The following MMP16 variants were observed in gnomAD, a reference collection of about 807,000 sequenced individuals.
The protein encoded by MMP16 is matrix metallopeptidase 16.
MMP16 carries 12 observed loss-of-function variants against 67.8 expected under a neutral mutation model. The observed-to-expected ratio is 0.18, with a 90% CI of 0.11 to 0.29. MMP16 has a LOEUF of 0.29. Ranked by LOEUF, MMP16 falls within the 10% of genes least tolerant of loss-of-function variation. The probability of loss-of-function intolerance (pLI) is 1.00; values close to 1 mark genes in which losing one functional copy is unlikely to be tolerated. For missense variants in MMP16, 475 were observed against 765.7 expected, an observed-to-expected ratio of 0.62 and a Z score of 4.48; for synonymous variants, 249 against 255.9, an observed-to-expected ratio of 0.97 and a Z score of 0.26.
intron 9 of MMP16, among the ~76,000 whole-genome samples, chr8:88,045,799 C>T (rs574101980): frequency 1.3e-5 from 2 of 151,966 alleles, no homozygotes; most frequent in Non-Finnish European, 2.9e-5. Flanking sequence ...CAAGAGATGC[C>T]TATTTTTGCT....
At chr8:88,214,663 G>C (rs533645414) in intron 1 of MMP16, among the ~76,000 whole-genome samples, 1 of 152,170 alleles carries the variant, frequency 6.6e-6, no homozygotes, top group East Asian at 1.9e-4. Context: ...TTTACTCTCT[G>C]AGCAATTTCC....
At chr8:88,136,443 G>A (rs918892072) in intron 4 of MMP16, among the ~76,000 whole-genome samples, 1 of 151,642 alleles carries the variant, frequency 6.6e-6, no homozygotes, top group Non-Finnish European at 1.5e-5. Context: ...CAGGTCAGTT[G>A]ATCATCATAA....
intron 1 of MMP16, among the ~76,000 whole-genome samples, chr8:88,307,964 A>G (rs1051967291): frequency 2.0e-5 from 3 of 152,128 alleles, no homozygotes; most frequent in Non-Finnish European, 2.9e-5. Flanking sequence ...CAATAACTCC[A>G]TATCTCAGAA....
chr8:88,103,235 A>G (rs1291473324), intron 6 of MMP16, among the ~76,000 whole-genome samples: 1 of 151,790 alleles, frequency 6.6e-6, no homozygotes, highest in Non-Finnish European at 1.5e-5. Flanking sequence ...TGGTCCTCCT[A>G]AGTGCTCCCA....
At chr8:88,212,644 CCTCT>C (rs569253741) in intron 1 of MMP16, among the ~76,000 whole-genome samples, 1 of 152,102 alleles carries the variant, frequency 6.6e-6, no homozygotes, top group Non-Finnish European at 1.5e-5. Context: ...ATCTCATGAG[CCTCT>C]CTGAGATTTC....
chr8:88,229,721 T>C (rs1563568461), intron 1 of MMP16, among the ~76,000 whole-genome samples: 1 of 152,042 alleles, frequency 6.6e-6, no homozygotes, highest in Non-Finnish European at 1.5e-5. Context: ...ACAAGAATGC[T>C]ATTGAGAACA....
intron 1 of MMP16, among the ~76,000 whole-genome samples, chr8:88,266,570 C>T (rs1396808595): frequency 6.6e-6 from 1 of 152,134 alleles, no homozygotes; most frequent in Non-Finnish European, 1.5e-5. Flanking sequence ...TACTTCCACC[C>T]ATTTGGCGTC....
At chr8:88,101,448 G>A (rs1249181692) in intron 6 of MMP16, among the ~76,000 whole-genome samples, 1 of 151,900 alleles carries the variant, frequency 6.6e-6, no homozygotes, top group East Asian at 2.0e-4. Flanking sequence ...CTATTCAAGA[G>A]ATTTCAGGAT....
At chr8:88,253,535 G>T (rs985156161) in intron 1 of MMP16, among the ~76,000 whole-genome samples, 2 of 152,110 alleles carry the variant, frequency 1.3e-5, no homozygotes, top group Admixed American at 1.3e-4. Context: ...GTCTAATCAT[G>T]AGAAAAACAT....
intron 1 of MMP16, among the ~76,000 whole-genome samples, chr8:88,209,492 A>T (rs1809480429): frequency 6.6e-6 from 1 of 152,126 alleles, no homozygotes; most frequent in African/African-American, 2.4e-5. Flanking sequence ...GGTCAACAGG[A>T]GGCTATTGGT....
At chr8:88,148,878 C>A (rs888775290) in intron 4 of MMP16, among the ~76,000 whole-genome samples, 2 of 152,194 alleles carry the variant, frequency 1.3e-5, no homozygotes, top group Admixed American at 6.5e-5. Context: ...CGAATAGGAA[C>A]AGCTCCGGTC....
intron 6 of MMP16, among the ~76,000 whole-genome samples, chr8:88,086,916 TG>T (rs1808843223): frequency 6.6e-6 from 1 of 151,876 alleles, no homozygotes; most frequent in African/African-American, 2.4e-5. Context: ...CCCTTAACCC[TG>T]GAACAGTTCC....
intron 2 of MMP16, among the ~76,000 whole-genome samples, chr8:88,189,275 C>T (rs927650813): frequency 6.6e-6 from 1 of 152,158 alleles, no homozygotes; most frequent in Non-Finnish European, 1.5e-5. Context: ...AGTGCTGTCA[C>T]ACCTCCATCT....
chr8:88,076,090 T>C (rs1237394254), intron 6 of MMP16, among the ~76,000 whole-genome samples: 1 of 152,146 alleles, frequency 6.6e-6, no homozygotes, highest in Non-Finnish European at 1.5e-5. Context: ...AACTTTGTTG[T>C]AGTTATCATG....
intron 1 of MMP16, among the ~76,000 whole-genome samples, chr8:88,199,337 ATGAAT>A (rs1809304687): frequency 6.6e-6 from 1 of 152,078 alleles, no homozygotes; most frequent in Admixed American, 6.5e-5. Context: ...AATGTAAAAA[ATGAAT>A]TGAGATTTTT....
intron 8 of MMP16, among the ~76,000 whole-genome samples, chr8:88,054,725 T>C (rs1374936368): frequency 6.6e-6 from 1 of 152,216 alleles, no homozygotes; most frequent in Non-Finnish European, 1.5e-5. Context: ...TTCTTATTCA[T>C]GGAAGCCAAT....
At chr8:88,260,211 A>C (rs1810365573) in intron 1 of MMP16, among the ~76,000 whole-genome samples, 1 of 152,162 alleles carries the variant, frequency 6.6e-6, no homozygotes, top group African/African-American at 2.4e-5. Flanking sequence ...CGCACAAAAA[A>C]ATTTGAGTAT....
intron 6 of MMP16, 96 bp from the exon 7 acceptor site, chr8:88,074,839 C>T (rs1808618958): frequency 7.0e-7 from 1 of 1,429,996 alleles, no homozygotes; most frequent in Non-Finnish European, 9.5e-7. Context: ...AAGCTGGTTT[C>T]CTTATTTATT....
At chr8:88,069,212 C>T (rs2664346) in intron 7 of MMP16, 218,051 of 289,070 alleles carry the variant, frequency 0.75, 83,020 homozygotes, top group African/African-American at 0.88. Flanking sequence ...ATCTGTCCAG[C>T]TATTTAGGCC....
Sources: gnomAD v4.1 joint callset for allele counts (sites outside exome capture counted in the v4.1 genomes callset) on GRCh38, gnomAD v4.1.1 for gene constraint, MANE v1.5 for transcripts, NCBI Gene and HGNC (gene_info 2026-07-23, HGNC 2026-07-21) for gene names.